NIPAL2: variants seen among roughly 807,000 people sequenced by gnomAD.
NIPAL2 encodes the protein NIPA-like protein 2.
In NIPAL2, 43 loss-of-function variants were observed where a neutral mutation model predicts 48.9. The ratio of observed to expected loss-of-function variants is 0.88; its 90% confidence interval spans 0.69 to 1.13. The LOEUF (loss-of-function observed/expected upper bound fraction) is 1.13, where lower values mean the gene tolerates loss of function less well. Ranked by LOEUF, NIPAL2 falls within the 50% of genes most tolerant of loss-of-function variation. The pLI, the probability that NIPAL2 is intolerant of heterozygous loss-of-function variation, is 0.00. For missense variants in NIPAL2, 446 were observed against 461.4 expected (o/e 0.97, Z 0.31); for synonymous variants, 167 against 174.6 (o/e 0.96, Z 0.34).
intron 1 of NIPAL2, among the ~76,000 whole-genome samples, chr8:98,292,648 A>G (rs1816547913): frequency 1.3e-5 from 2 of 152,196 alleles, no homozygotes; most frequent in South Asian, 2.1e-4. Flanking sequence ...GGAAATGTCA[A>G]AGAAAACTAA....
chr8:98,255,051 C>T (rs1297051027), intron 1 of NIPAL2, among the ~76,000 whole-genome samples: 1 of 151,204 alleles, frequency 6.6e-6, no homozygotes, highest in Non-Finnish European at 1.5e-5. Context: ...TCTTATGCTT[C>T]TTTCTATTGG....
rs564769179 is a variant in NIPAL2, at chr8:98,267,428, A to G, written c.136-13341T>C. Among the ~76,000 whole-genome samples the G allele has an allele frequency of 8.6e-5, 13 of 151,970 alleles. No homozygotes were observed. In the South Asian group the frequency reaches 2.7e-3, roughly 32 times the overall value. ...AGCTTTGACCTTCTGGGTTCAAGCA[A>G]TCTTCCACCTCATCTTCCCAAGTAG... On this transcript the variant is annotated intron_variant, in intron 1 of 10. Coordinates refer to ENST00000430223, the MANE Select transcript of NIPAL2 (RefSeq NM_001321635.2).
chr8:98,228,498 T>C (rs1812287276), intron 4 of NIPAL2, among the ~76,000 whole-genome samples: 1 of 152,202 alleles, frequency 6.6e-6, no homozygotes, highest in Non-Finnish European at 1.5e-5. Context: ...CTTAGGCAAG[T>C]TATTTACTCC....
At chr8:98,201,790 G>T (rs1431149469) in intron 8 of NIPAL2, among the ~76,000 whole-genome samples, 1 of 152,010 alleles carries the variant, frequency 6.6e-6, no homozygotes, top group South Asian at 2.1e-4. Flanking sequence ...TCATGGGATA[G>T]AATATTTTCT....
At chr8:98,266,145 G>C (rs13274648) in intron 1 of NIPAL2, among the ~76,000 whole-genome samples, 17 of 104,522 alleles carry the variant, frequency 1.6e-4, no homozygotes, top group African/African-American at 5.7e-4. Flanking sequence ...GGTGGGGGGA[G>C]GGGGGAGGGA....
At chr8:98,217,140 A>G in intron 5 of NIPAL2, 4 of 985,406 alleles carry the variant, frequency 4.1e-6, no homozygotes, top group South Asian at 4.7e-5. Context: ...TAGTGAGTGC[A>G]CTTTATTCTT....
intron 8 of NIPAL2, among the ~76,000 whole-genome samples, chr8:98,197,348 A>G (rs554148444): frequency 1.3e-5 from 2 of 152,372 alleles, no homozygotes; most frequent in East Asian, 3.9e-4. Context: ...AATGCTAATG[A>G]TCATCTGAGC....
At chr8:98,201,208 G>T (rs896958771) in intron 8 of NIPAL2, among the ~76,000 whole-genome samples, 4 of 151,976 alleles carry the variant, frequency 2.6e-5, no homozygotes, top group Non-Finnish European at 5.9e-5. Flanking sequence ...TCTCATGGAG[G>T]CAGAGAGGAG....
chr8:98,292,811 AATAG>A (rs766928126), intron 1 of NIPAL2, among the ~76,000 whole-genome samples: 8 of 152,090 alleles, frequency 5.3e-5, no homozygotes, highest in African/African-American at 1.4e-4. Context: ...AGAATAATAT[AATAG>A]ATAGATTCAA....
chr8:98,211,146 C>G (rs1443113489), intron 6 of NIPAL2, among the ~76,000 whole-genome samples: 1 of 152,216 alleles, frequency 6.6e-6, no homozygotes. Context: ...CAAAATCAAT[C>G]TGGAAGTTTC....
chr8:98,233,885 C>T (rs188139067), intron 4 of NIPAL2, among the ~76,000 whole-genome samples: 1 of 152,290 alleles, frequency 6.6e-6, no homozygotes, highest in Admixed American at 6.5e-5. Context: ...TGTATGTCCT[C>T]CTCCAAATTA....
chr8:98,238,500 G>A (rs1812829889), intron 3 of NIPAL2, among the ~76,000 whole-genome samples: 1 of 152,062 alleles, frequency 6.6e-6, no homozygotes, highest in Non-Finnish European at 1.5e-5. Flanking sequence ...CAGATGCTGT[G>A]GTTAAATTTG....
chr8:98,269,934 G>A (rs1266808744), intron 1 of NIPAL2, among the ~76,000 whole-genome samples: 1 of 152,168 alleles, frequency 6.6e-6, no homozygotes, highest in Non-Finnish European at 1.5e-5. Flanking sequence ...AGAACATGCA[G>A]TATTTGGTTT....
chr8:98,207,760 A>G (rs1196757741), intron 6 of NIPAL2, among the ~76,000 whole-genome samples: 1 of 152,262 alleles, frequency 6.6e-6, no homozygotes, highest in African/African-American at 2.4e-5. Flanking sequence ...AATAGGTTAC[A>G]ACATGTGAAT....
At chr8:98,225,046 C>T (rs981450949) in intron 4 of NIPAL2, among the ~76,000 whole-genome samples, 4 of 152,142 alleles carry the variant, frequency 2.6e-5, no homozygotes, top group South Asian at 2.1e-4. Flanking sequence ...AGTGAGCCAC[C>T]GTGCCCGGCT....
chr8:98,205,266 A>G lies in NIPAL2; in HGVS notation c.656-20T>C. ...ATGAGGCTGAAAAAGAAAACAAAAA[A>G]CACAAATAAAGAACATATTTCAGAT... On this transcript the variant is annotated intron_variant, in intron 6 of 10. Coordinates refer to ENST00000430223, the MANE Select transcript of NIPAL2 (RefSeq NM_001321635.2). The G allele has an allele frequency of 1.3e-6, 2 of 1,595,470 alleles. No individual in the cohort carries two copies. Among genetic ancestry groups the G allele is most frequent in the South Asian group, 2.3e-5 (2 of 88,590 alleles).
At chr8:98,280,736 C>CTATATATATATATATATATATATATATA (rs71572005) in intron 1 of NIPAL2, among the ~76,000 whole-genome samples, 1 of 39,028 alleles carries the variant, frequency 2.6e-5, no homozygotes, top group Non-Finnish European at 5.4e-5. Flanking sequence ...TAGTCCATTA[C>CTATATATATATATATATATATATATATA]TATATATATA....
intron 1 of NIPAL2, among the ~76,000 whole-genome samples, chr8:98,280,843 G>C (rs932094118): frequency 6.7e-5 from 10 of 149,164 alleles, no homozygotes; most frequent in African/African-American, 9.9e-5. Context: ...GAATCTCCAG[G>C]TGAGGGACAT....
intron 1 of NIPAL2, among the ~76,000 whole-genome samples, chr8:98,262,220 C>G (rs1327324724): frequency 1.3e-5 from 2 of 151,862 alleles, no homozygotes; most frequent in African/African-American, 4.8e-5. Flanking sequence ...ACTGCATCAA[C>G]TAACGAGCAA....
Sources: gnomAD v4.1 joint callset for allele counts (sites outside exome capture counted in the v4.1 genomes callset) on GRCh38, gnomAD v4.1.1 for gene constraint, MANE v1.5 for transcripts, NCBI Gene and HGNC (gene_info 2026-07-23, HGNC 2026-07-21) for gene names.